The following IL1RAPL2 variants were observed in gnomAD, a reference collection of about 807,000 sequenced individuals.
The protein encoded by IL1RAPL2 is X-linked interleukin-1 receptor accessory protein-like 2.
A neutral mutation model predicts 44.1 loss-of-function variants in IL1RAPL2; 3 were observed. The observed-to-expected ratio is 0.07, with a 90% CI of 0.03 to 0.18. The LOEUF is 0.18. Among genes scored for constraint, IL1RAPL2 ranks in the 10% least tolerant of loss-of-function variants. The pLI is 1.00. For missense variants in IL1RAPL2, 391 were observed against 496.4 expected (o/e 0.79, Z 2.02); for synonymous variants, 181 against 178.8 (o/e 1.01, Z -0.10).
intron 2 of IL1RAPL2, among the ~76,000 whole-genome samples, chrX:104,667,606 C>T (rs1854183203): frequency 9.0e-6 from 1 of 111,448 alleles, no homozygotes; most frequent in Non-Finnish European, 1.9e-5. Flanking sequence ...AGGATTTAAA[C>T]CCAGATTTGT....
At chrX:105,032,482 T>G (rs2031524876) in intron 2 of IL1RAPL2, among the ~76,000 whole-genome samples, 1 of 111,620 alleles carries the variant, frequency 9.0e-6, no homozygotes, top group African/African-American at 3.3e-5. Context: ...ATTTCGTTAT[T>G]TCCCCGTATT....
At chrX:105,263,272 T>C (rs2034374858) in intron 4 of IL1RAPL2, among the ~76,000 whole-genome samples, 1 of 110,718 alleles carries the variant, frequency 9.0e-6, no homozygotes, top group African/African-American at 3.3e-5. Flanking sequence ...AAGGGGTGGA[T>C]GTTGGGTATT....
chrX:104,601,745 A>C (rs762533231), intron 1 of IL1RAPL2, among the ~76,000 whole-genome samples: 2 of 112,095 alleles, frequency 1.8e-5, no homozygotes, highest in Non-Finnish European at 3.8e-5. Context: ...AAAGTTAAGA[A>C]ACAACAGGTT....
intron 2 of IL1RAPL2, among the ~76,000 whole-genome samples, chrX:105,005,074 C>A (rs1404745227): frequency 9.0e-6 from 1 of 111,191 alleles, no homozygotes; most frequent in Non-Finnish European, 1.9e-5. Context: ...TCTCTGGATT[C>A]TTTTAAGAAA....
At chrX:104,679,088 T>C (rs994252093) in intron 2 of IL1RAPL2, among the ~76,000 whole-genome samples, 1 of 111,941 alleles carries the variant, frequency 8.9e-6, no homozygotes, top group Non-Finnish European at 1.9e-5. Context: ...TTTAATGTCA[T>C]AAAAATGTAA....
intron 1 of IL1RAPL2, among the ~76,000 whole-genome samples, chrX:104,567,767 T>TA (rs756417144): frequency 2.7e-5 from 3 of 112,431 alleles, no homozygotes; most frequent in East Asian, 5.7e-4. Flanking sequence ...AGAGTAGGGA[T>TA]AGCCACTCGC....
chrX:105,665,006 C>T (rs754923172), intron 6 of IL1RAPL2, among the ~76,000 whole-genome samples: 2 of 112,187 alleles, frequency 1.8e-5, no homozygotes, highest in South Asian at 7.3e-4. Context: ...CATTTTTTCT[C>T]TAGCTTAAAT....
intron 2 of IL1RAPL2, among the ~76,000 whole-genome samples, chrX:105,050,365 G>A (rs1415438008): frequency 8.9e-6 from 1 of 111,811 alleles, no homozygotes; most frequent in Non-Finnish European, 1.9e-5. Context: ...TATGGCATTC[G>A]CAGATTTACA....
intron 2 of IL1RAPL2, among the ~76,000 whole-genome samples, chrX:104,882,473 G>A (rs1352081072): frequency 9.8e-5 from 11 of 111,813 alleles, no homozygotes; most frequent in East Asian, 5.6e-4. Context: ...AGGTGAAGCC[G>A]GCTGGGCTTC....
intron 4 of IL1RAPL2, among the ~76,000 whole-genome samples, chrX:105,265,795 C>T (rs1264294104): frequency 9.0e-6 from 1 of 111,127 alleles, no homozygotes; most frequent in Non-Finnish European, 1.9e-5. Context: ...CACACACACA[C>T]GTACACACAC....
At chrX:104,923,738 T>C (rs1486323431) in intron 2 of IL1RAPL2, among the ~76,000 whole-genome samples, 2 of 111,189 alleles carry the variant, frequency 1.8e-5, no homozygotes, top group Non-Finnish European at 3.8e-5. Flanking sequence ...ATAAAGCAGT[T>C]ACACAGTTGA....
intron 2 of IL1RAPL2, among the ~76,000 whole-genome samples, chrX:104,912,405 C>T (rs1369223911): frequency 9.0e-6 from 1 of 110,507 alleles, no homozygotes; most frequent in East Asian, 2.8e-4. Flanking sequence ...TTTTATGTGC[C>T]TCTAGCCCCA....
chrX:104,586,475 T>C (rs559234473), intron 1 of IL1RAPL2, among the ~76,000 whole-genome samples: 1 of 111,383 alleles, frequency 9.0e-6, no homozygotes, highest in Admixed American at 9.5e-5. Context: ...ATAAACAAGA[T>C]TTTCAGGCCA....
chrX:104,788,232 C>T (rs1932808552), intron 2 of IL1RAPL2, among the ~76,000 whole-genome samples: 1 of 112,109 alleles, frequency 8.9e-6, no homozygotes, highest in Non-Finnish European at 1.9e-5. Flanking sequence ...GCAGATCTGA[C>T]ATCATAACAG....
chrX:104,632,248 TGTA>T (rs1487375706), intron 1 of IL1RAPL2, among the ~76,000 whole-genome samples: 1 of 111,767 alleles, frequency 8.9e-6, no homozygotes, highest in Non-Finnish European at 1.9e-5. Flanking sequence ...ACCATAGCCT[TGTA>T]GTATAGTTTG....
intron 2 of IL1RAPL2, among the ~76,000 whole-genome samples, chrX:105,046,452 A>G (rs937635459): frequency 9.0e-6 from 1 of 111,406 alleles, no homozygotes; most frequent in Admixed American, 9.6e-5. Context: ...TTACTGAAAA[A>G]CATCAGTTAC....
chrX:104,710,968 C>A (rs1931446504), intron 2 of IL1RAPL2, among the ~76,000 whole-genome samples: 2 of 111,180 alleles, frequency 1.8e-5, no homozygotes, highest in South Asian at 7.4e-4. Context: ...CTCCTTCTAC[C>A]TATAAAAAAA....
chrX:105,250,653 A>G (rs778393260), intron 4 of IL1RAPL2, among the ~76,000 whole-genome samples: 51 of 111,418 alleles, frequency 4.6e-4, no homozygotes, highest in Middle Eastern at 4.7e-3. Context: ...GATACCAAAG[A>G]ATAAAAGATA....
intron 2 of IL1RAPL2, among the ~76,000 whole-genome samples, chrX:105,081,777 T>C (rs1348042232): frequency 8.9e-6 from 1 of 111,937 alleles, no homozygotes; most frequent in African/African-American, 3.2e-5. Flanking sequence ...GGATTATGTA[T>C]ATTGATTTGC....
Sources: gnomAD v4.1 joint callset for allele counts (sites outside exome capture counted in the v4.1 genomes callset) on GRCh38, gnomAD v4.1.1 for gene constraint, MANE v1.5 for transcripts, NCBI Gene and HGNC (gene_info 2026-07-23, HGNC 2026-07-21) for gene names.